CADM2: variants seen among roughly 807,000 people sequenced by gnomAD.
The protein encoded by CADM2 is cell adhesion molecule 2, also known as immunoglobulin superfamily member 4D.
CADM2 carries 12 observed loss-of-function variants against 49.8 expected under a neutral mutation model. The observed-to-expected ratio is 0.24, with a 90% CI of 0.15 to 0.39. The LOEUF (loss-of-function observed/expected upper bound fraction) is 0.39, where lower values mean the gene tolerates loss of function less well. Among genes scored for constraint, CADM2 ranks in the 10% least tolerant of loss-of-function variants. CADM2 has a pLI of 1.00. For missense variants in CADM2, 378 were observed against 492.3 expected, an observed-to-expected ratio of 0.77 and a Z score of 2.20; for synonymous variants, 214 against 175.4, an observed-to-expected ratio of 1.22 and a Z score of -1.74.
intron 1 of CADM2, among the ~76,000 whole-genome samples, chr3:85,503,917 A>G (rs1421018158): frequency 1.3e-5 from 2 of 152,220 alleles, no homozygotes; most frequent in South Asian, 2.1e-4. Flanking sequence ...TTACGTGTGA[A>G]TAAGAAGTGT....
chr3:85,603,199 C>T (rs1318551929), intron 1 of CADM2, among the ~76,000 whole-genome samples: 1 of 151,828 alleles, frequency 6.6e-6, no homozygotes, highest in African/African-American at 2.4e-5. Context: ...AACCTGAATA[C>T]ATGAAGGAGT....
intron 1 of CADM2, among the ~76,000 whole-genome samples, chr3:85,439,919 A>C (rs1865251): frequency 0.5 from 76,295 of 152,068 alleles, 22,289 homozygotes; most frequent in East Asian, 0.83. Context: ...GAGTTTATTT[A>C]ATGTAAAACA....
chr3:85,913,983 CAG>C (rs1717957813), intron 6 of CADM2, among the ~76,000 whole-genome samples: 2 of 152,014 alleles, frequency 1.3e-5, no homozygotes, highest in South Asian at 4.1e-4. Context: ...GAGAAAAATA[CAG>C]AGTGTTGTGA....
intron 1 of CADM2, among the ~76,000 whole-genome samples, chr3:85,550,249 T>C (rs1333984727): frequency 6.6e-6 from 1 of 152,196 alleles, no homozygotes; most frequent in Non-Finnish European, 1.5e-5. Flanking sequence ...GGGTGCATTG[T>C]ATATTTTAAA....
chr3:86,017,168 G>GTATATATATA (rs138958837), intron 8 of CADM2, among the ~76,000 whole-genome samples: 1 of 141,540 alleles, frequency 7.1e-6, no homozygotes, highest in Non-Finnish European at 1.5e-5. Context: ...GTGTGTGTGT[G>GTATATATATA]TATATATATA....
chr3:85,177,102 G>C (rs2040805385), intron 1 of CADM2, among the ~76,000 whole-genome samples: 1 of 152,088 alleles, frequency 6.6e-6, no homozygotes, highest in Non-Finnish European at 1.5e-5. Context: ...AACAGTGCAA[G>C]TCTTTAATAT....
At chr3:84,973,199 C>T (rs1260339257) in intron 1 of CADM2, among the ~76,000 whole-genome samples, 2 of 152,160 alleles carry the variant, frequency 1.3e-5, no homozygotes, top group Non-Finnish European at 2.9e-5. Flanking sequence ...AGGCATGAGC[C>T]ACTGTGCCCA....
At chr3:85,538,979 GA>G (rs2061482728) in intron 1 of CADM2, among the ~76,000 whole-genome samples, 1 of 152,036 alleles carries the variant, frequency 6.6e-6, no homozygotes, top group Admixed American at 6.6e-5. Flanking sequence ...ATTTGTGAGA[GA>G]AAAGCCTTCT....
chr3:85,708,110 T>C (rs2067005111), intron 1 of CADM2, among the ~76,000 whole-genome samples: 1 of 152,178 alleles, frequency 6.6e-6, no homozygotes, highest in Non-Finnish European at 1.5e-5. Context: ...TGTCTAGATA[T>C]CTTTCTGTAA....
At chr3:85,531,392 G>T (rs2061305664) in intron 1 of CADM2, among the ~76,000 whole-genome samples, 1 of 152,286 alleles carries the variant, frequency 6.6e-6, no homozygotes, top group African/African-American at 2.4e-5. Flanking sequence ...TATGAACTGT[G>T]ATAAATTATT....
At chr3:85,597,843 A>G (rs2063288270) in intron 1 of CADM2, among the ~76,000 whole-genome samples, 2 of 152,124 alleles carry the variant, frequency 1.3e-5, no homozygotes, top group Non-Finnish European at 2.9e-5. Context: ...AAACTTAAAT[A>G]ATAGTACTTT....
chr3:85,956,759 T>C lies in CADM2; in HGVS notation c.792-4710T>C, dbSNP rs1175668285. On this transcript the variant is annotated intron_variant, in intron 7 of 9. Coordinates refer to ENST00000383699, the MANE Select transcript of CADM2 (RefSeq NM_001167675.2). Reference sequence around the variant, plus strand: ...TATGTAAACAATTTAAAAAGACATATCTGAATTTAACTACATATTTACAGA... The same window carrying C: ...TATGTAAACAATTTAAAAAGACATACCTGAATTTAACTACATATTTACAGA... 2.0e-5 allele frequency among the ~76,000 whole-genome samples: 3 copies of C among 151,322 alleles called. No individual in the cohort carries two copies. In the East Asian group the frequency reaches 5.9e-4, roughly 30 times the overall value.
At chr3:85,123,338 G>A (rs2038926794) in intron 1 of CADM2, among the ~76,000 whole-genome samples, 2 of 152,074 alleles carry the variant, frequency 1.3e-5, no homozygotes, top group African/African-American at 4.8e-5. Context: ...TTTGACTCTG[G>A]AGATTTCCTC....
chr3:85,515,200 A>G (rs2060862309), intron 1 of CADM2, among the ~76,000 whole-genome samples: 1 of 152,100 alleles, frequency 6.6e-6, no homozygotes, highest in South Asian at 2.1e-4. Flanking sequence ...TCAGAATAAT[A>G]CTCTAAACAA....
chr3:85,498,628 T>G, intron 1 of CADM2, among the ~76,000 whole-genome samples: 1 of 152,190 alleles, frequency 6.6e-6, no homozygotes, highest in East Asian at 1.9e-4. Context: ...CATCTAGTGA[T>G]TTATTATAAA....
intron 7 of CADM2, among the ~76,000 whole-genome samples, chr3:85,941,683 T>A (rs1390006170): frequency 6.6e-6 from 1 of 152,020 alleles, no homozygotes; most frequent in Non-Finnish European, 1.5e-5. Flanking sequence ...TGAGTTTTAG[T>A]TTGATGCGTG....
intron 3 of CADM2, among the ~76,000 whole-genome samples, chr3:85,821,578 A>G (rs2073569463): frequency 6.6e-6 from 1 of 152,080 alleles, no homozygotes. Context: ...CATACACAAG[A>G]AGTTAGGGTA....
intron 1 of CADM2, among the ~76,000 whole-genome samples, chr3:85,529,259 G>A (rs1298711393): frequency 6.6e-6 from 1 of 152,142 alleles, no homozygotes; most frequent in African/African-American, 2.4e-5. Flanking sequence ...TGAGCACTTA[G>A]CGATTGGGTC....
At chr3:85,462,953 C>T (rs1285989403) in intron 1 of CADM2, among the ~76,000 whole-genome samples, 3 of 152,084 alleles carry the variant, frequency 2.0e-5, no homozygotes, top group Non-Finnish European at 4.4e-5. Flanking sequence ...GGATTCTCTC[C>T]TGTGACCTGG....
Sources: allele counts gnomAD v4.1 joint callset (sites outside exome capture counted in the v4.1 genomes callset), GRCh38; gene constraint gnomAD v4.1.1; transcripts MANE v1.5; gene names NCBI Gene and HGNC (gene_info 2026-07-23, HGNC 2026-07-21).